SERPINI1: variants seen among roughly 807,000 people sequenced by gnomAD.
SERPINI1 encodes the protein serpin family I member 1.
A neutral mutation model predicts 41.1 loss-of-function variants in SERPINI1; 19 were observed. That is an observed-to-expected ratio of 0.46 (90% CI 0.32 to 0.68). The LOEUF is 0.68. Among genes scored for constraint, SERPINI1 ranks in the 30% least tolerant of loss-of-function variants. The probability of loss-of-function intolerance (pLI) is 0.03; values close to 1 mark genes in which losing one functional copy is unlikely to be tolerated. For synonymous variants in SERPINI1, 138 were observed against 156.6 expected, an observed-to-expected ratio of 0.88 and a Z score of 0.89; for missense variants, 460 against 479.2, an observed-to-expected ratio of 0.96 and a Z score of 0.37.
At chr3:167,793,596 A>ATATATATATATATATATATTTT in intron 4 of SERPINI1, among the ~76,000 whole-genome samples, 2 of 140,610 alleles carry the variant, frequency 1.4e-5, no homozygotes, top group African/African-American at 5.5e-5. Context: ...ATATATATAT[A>ATATATATATATATATATATTTT]TTTTTAATTA....
chr3:167,819,120 TA>T (rs1235677880), intron 6 of SERPINI1, among the ~76,000 whole-genome samples: 1 of 152,188 alleles, frequency 6.6e-6, no homozygotes, highest in Non-Finnish European at 1.5e-5. Context: ...TTTACTGTCT[TA>T]AAATTTATTT....
intron 1 of SERPINI1, among the ~76,000 whole-genome samples, chr3:167,747,053 A>G (rs1447258072): frequency 6.6e-6 from 1 of 152,244 alleles, no homozygotes; most frequent in Non-Finnish European, 1.5e-5. Context: ...GGATAAACAC[A>G]ATGTTGTATA....
intron 5 of SERPINI1, among the ~76,000 whole-genome samples, chr3:167,798,151 C>G (rs987779532): frequency 7.2e-5 from 11 of 152,040 alleles, no homozygotes; most frequent in Non-Finnish European, 4.4e-5. Flanking sequence ...GAAAATGTGG[C>G]CTCTAGGTCC....
chr3:167,801,839 T>C (rs1727909295), intron 5 of SERPINI1, among the ~76,000 whole-genome samples: 1 of 152,166 alleles, frequency 6.6e-6, no homozygotes, highest in African/African-American at 2.4e-5. Flanking sequence ...CTAGAGATTA[T>C]TTACTCCCTA....
chr3:167,738,815 G>A (rs2108527609), intron 1 of SERPINI1, among the ~76,000 whole-genome samples: 1 of 150,444 alleles, frequency 6.6e-6, no homozygotes, highest in Middle Eastern at 3.5e-3. Flanking sequence ...CCAGTCAATT[G>A]CCATTTTAAC....
At chr3:167,779,142 A>G (rs1248829209) in intron 1 of SERPINI1, among the ~76,000 whole-genome samples, 2 of 152,234 alleles carry the variant, frequency 1.3e-5, no homozygotes, top group South Asian at 2.1e-4. Flanking sequence ...GTACCTTCCT[A>G]GTCTAATTAT....
chr3:167,786,749 T>C (rs1485465585), intron 1 of SERPINI1, among the ~76,000 whole-genome samples: 2 of 152,302 alleles, frequency 1.3e-5, no homozygotes, highest in Admixed American at 1.3e-4. Flanking sequence ...AACTTTCACT[T>C]ACTGTAACTT....
At chr3:167,787,759 G>A (rs1727360210) in intron 1 of SERPINI1, among the ~76,000 whole-genome samples, 1 of 152,156 alleles carries the variant, frequency 6.6e-6, no homozygotes, top group Non-Finnish European at 1.5e-5. Context: ...GAAGGGGTGA[G>A]GGCAGAGGAC....
At chr3:167,815,562 G>A (rs1712051112) in intron 6 of SERPINI1, among the ~76,000 whole-genome samples, 2 of 151,874 alleles carry the variant, frequency 1.3e-5, no homozygotes. Flanking sequence ...GCTAATTCTT[G>A]TACTTTTAGT....
chr3:167,824,203 T>C (rs1316074218), intron 7 of SERPINI1, among the ~76,000 whole-genome samples: 1 of 152,160 alleles, frequency 6.6e-6, no homozygotes, highest in Non-Finnish European at 1.5e-5. Flanking sequence ...GCAGAATAAA[T>C]TGTCCTATTA....
At chr3:167,815,802 A>G (rs1167180344) in intron 6 of SERPINI1, among the ~76,000 whole-genome samples, 1 of 152,174 alleles carries the variant, frequency 6.6e-6, no homozygotes, top group Non-Finnish European at 1.5e-5. Context: ...TCCCTCATGT[A>G]GCAGTTAATC....
intron 1 of SERPINI1, among the ~76,000 whole-genome samples, chr3:167,785,531 G>T (rs914999521): frequency 6.6e-6 from 1 of 152,182 alleles, no homozygotes; most frequent in African/African-American, 2.4e-5. Context: ...AGCACTTCCT[G>T]TGTGACTTTG....
Position 167,789,168 on chromosome 3 carries a change from A to C in SERPINI1, c.40A>C (p.Ser14Arg). The C allele has an allele frequency of 6.2e-7, 1 of 1,614,174 alleles. No homozygotes were observed. The highest frequency in any genetic ancestry group is 8.5e-7 in the Non-Finnish European group (1 of 1,180,004). Reference protein sequence around the residue: ...LGLFSLLVLQSMATGATFPEE... With the variant: ...LGLFSLLVLQRMATGATFPEE... ...ACTCTTCTCTTTGCTGGTTCTGCAAAGTATGGCTACAGGGGCCACTTTCCC... is the reference window on the plus strand; with the variant it reads ...ACTCTTCTCTTTGCTGGTTCTGCAACGTATGGCTACAGGGGCCACTTTCCC... Residue 14 changes from serine (S) to arginine (R), a missense_variant, in exon 2 of 9, where the codon AGT becomes CGT. By Grantham distance (110) the Ser-to-Arg change is moderately radical (BLOSUM62 -1). Coordinates refer to ENST00000446050, the MANE Select transcript of SERPINI1 (RefSeq NM_001122752.2).
intron 1 of SERPINI1, among the ~76,000 whole-genome samples, chr3:167,775,219 T>G (rs1726925006): frequency 7.1e-6 from 1 of 141,546 alleles, no homozygotes; most frequent in Non-Finnish European, 1.5e-5. Context: ...TACAACGAAG[T>G]GTCACTTTAT....
rs549238809 is a variant in SERPINI1 at position 167,746,883 on chromosome 3, A to G, written c.-19+11060A>G. ...GGAAAACAGTTTAGCCATTCTTCAA[A>G]ATATTAGCCACAGAGTTAGCCTATG... On this transcript the variant is annotated intron_variant, in intron 1 of 8. Coordinates refer to ENST00000446050, the MANE Select transcript of SERPINI1 (RefSeq NM_001122752.2). Among the ~76,000 whole-genome samples the G allele has an allele frequency of 3.9e-5, 6 of 152,280 alleles. No homozygotes were observed. The East Asian group carries it at 1.2e-3, about 29-fold the overall frequency.
At chr3:167,764,856 T>TA (rs1726508651) in intron 1 of SERPINI1, among the ~76,000 whole-genome samples, 1 of 152,194 alleles carries the variant, frequency 6.6e-6, no homozygotes, top group Non-Finnish European at 1.5e-5. Flanking sequence ...ACAAAGGGGC[T>TA]AAAGGAACCA....
chr3:167,780,029 T>G (rs566924135), intron 1 of SERPINI1, among the ~76,000 whole-genome samples: 1 of 152,184 alleles, frequency 6.6e-6, no homozygotes, highest in Non-Finnish European at 1.5e-5. Flanking sequence ...CATCTCAGTT[T>G]AGTAATGGTT....
intron 4 of SERPINI1, among the ~76,000 whole-genome samples, chr3:167,793,806 GTA>G (rs796438641): frequency 6.9e-6 from 1 of 145,490 alleles, no homozygotes; most frequent in Non-Finnish European, 1.5e-5. Flanking sequence ...TATACTGTGT[GTA>G]TATATATATA....
intron 1 of SERPINI1, among the ~76,000 whole-genome samples, chr3:167,745,739 G>T (rs1371232854): frequency 6.6e-6 from 1 of 151,968 alleles, no homozygotes; most frequent in Non-Finnish European, 1.5e-5. Context: ...TCGATATAAA[G>T]AAACTAATTG....
Sources: allele counts gnomAD v4.1 joint callset (sites outside exome capture counted in the v4.1 genomes callset), GRCh38; gene constraint gnomAD v4.1.1; transcripts MANE v1.5; gene names NCBI Gene and HGNC (gene_info 2026-07-23, HGNC 2026-07-21).